The following HEATR6 variants were observed in gnomAD, a reference collection of about 807,000 sequenced individuals.
HEATR6 encodes HEAT repeat containing 6.
In HEATR6, 106 loss-of-function variants were observed where a neutral mutation model predicts 132.8. The ratio of observed to expected loss-of-function variants is 0.80; its 90% CI spans 0.68 to 0.94. HEATR6 has a LOEUF of 0.94. HEATR6 is among the 40% of genes least tolerant of loss of function. The pLI, the probability that HEATR6 is intolerant of heterozygous loss-of-function variation, is 0.00. For synonymous variants in HEATR6, 529 were observed against 537.8 expected (o/e 0.98, Z 0.23); for missense variants, 1,339 against 1,425.1 (o/e 0.94, Z 0.97).
At chr17:60,055,026 TG>T (rs1291146903) in intron 14 of HEATR6, among the ~76,000 whole-genome samples, 6 of 152,166 alleles carry the variant, frequency 3.9e-5, no homozygotes, top group Admixed American at 3.3e-4. Context: ...GCTGTCCTTG[TG>T]GTAATGAGTG....
intron 7 of HEATR6, among the ~76,000 whole-genome samples, chr17:60,068,611 C>T (rs1210574755): frequency 2.0e-5 from 3 of 150,522 alleles, no homozygotes; most frequent in Non-Finnish European, 4.4e-5. Context: ...TGCTACACAA[C>T]GGCTCCACTC....
intron 8 of HEATR6, among the ~76,000 whole-genome samples, chr17:60,066,635 A>G (rs2083242348): frequency 6.6e-6 from 1 of 152,214 alleles, no homozygotes; most frequent in African/African-American, 2.4e-5. Context: ...ACAACTGGAG[A>G]ACAAGAGGGC....
chr17:60,052,020 G>A (rs1432543446), intron 14 of HEATR6, among the ~76,000 whole-genome samples: 5 of 152,208 alleles, frequency 3.3e-5, no homozygotes, highest in Non-Finnish European at 7.3e-5. Context: ...GTCATAAAAA[G>A]CACCACAGCT....
At position 60,059,532 on chromosome 17, in the gene HEATR6, C is replaced by G. The variant is rs1906865145; in HGVS notation, c.1624-11G>C. 1 of 1,562,978 alleles carries G rather than the reference C, an allele frequency of 6.4e-7. No individual in the cohort carries two copies. Among genetic ancestry groups the G allele is most frequent in the African/African-American group, 1.4e-5 (1 of 73,428 alleles). ...TAAATTTGCAAGGCACTGTAAAACA[C>G]AAAAAGTAGCTCATCAAAAGGCTTG... On this transcript the variant is annotated splice_polypyrimidine_tract_variant and intron_variant, in intron 10 of 19. Transcript: ENST00000184956.
chr17:60,052,807 C>T (rs982509921), intron 14 of HEATR6, among the ~76,000 whole-genome samples: 1 of 152,052 alleles, frequency 6.6e-6, no homozygotes, highest in African/African-American at 2.4e-5. Flanking sequence ...GCAGAAACAA[C>T]CTGAAATCAC....
At position 60,060,107 on chromosome 17, in the gene HEATR6, G is replaced by T; in HGVS notation, c.1417-11C>A. 1 of 1,604,976 alleles carries T rather than the reference G, an allele frequency of 6.2e-7. No homozygotes were observed. The highest frequency in any genetic ancestry group is 1.1e-5 in the South Asian group (1 of 90,888). Reference sequence around the variant, plus strand: ...AGCACAGGCACGTGTCTGAAATTTCGGGATGATTCACATTGATTAGTTGAA... The same window carrying T: ...AGCACAGGCACGTGTCTGAAATTTCTGGATGATTCACATTGATTAGTTGAA... On this transcript the variant is annotated splice_polypyrimidine_tract_variant and intron_variant, in intron 9 of 19. Transcript: ENST00000184956.
chr17:60,049,600 G>A lies in HEATR6; in HGVS notation c.2527C>T (p.Leu843Phe), dbSNP rs1413032208. The A allele has an allele frequency of 1.2e-6, 2 of 1,613,854 alleles. No individual in the cohort carries two copies. Among genetic ancestry groups the A allele is most frequent in the South Asian group, 2.2e-5 (2 of 91,080 alleles). Residue 843 changes from leucine to phenylalanine, a missense_variant, in exon 16 of 20, where the codon CTT (leucine) becomes TTT (phenylalanine). By Grantham distance (22) the Leu-to-Phe change is conservative. Coordinates refer to ENST00000184956, the MANE Select transcript of HEATR6 (RefSeq NM_022070.5). ...ATSRALGVYV[L>F]FPCLRQDVIF... The stretch of plus-strand genomic sequence containing the variant: ...CTGACCTGTCTGAGACAGGGAAAAA[G>A]CACATAGACTCCCAGGGCCCGTGAA...
chr17:60,077,155 G>A (rs766590664), intron 1 of HEATR6, among the ~76,000 whole-genome samples: 1 of 152,096 alleles, frequency 6.6e-6, no homozygotes, highest in African/African-American at 2.4e-5. Context: ...AAAATAAGGT[G>A]AATCAAGTGC....
intron 14 of HEATR6, among the ~76,000 whole-genome samples, chr17:60,054,309 A>G (rs1042479722): frequency 1.3e-5 from 2 of 152,252 alleles, no homozygotes; most frequent in Non-Finnish European, 2.9e-5. Flanking sequence ...TAGATTTCAG[A>G]GGATTCCCTA....
At chr17:60,078,402 G>T (rs570086697) in intron 1 of HEATR6, among the ~76,000 whole-genome samples, 35 of 152,340 alleles carry the variant, frequency 2.3e-4, no homozygotes, top group African/African-American at 7.5e-4. Context: ...GGTGCACAGA[G>T]AGGGAGTGAA....
intron 9 of HEATR6, among the ~76,000 whole-genome samples, chr17:60,060,666 T>C (rs1033289561): frequency 2.0e-5 from 3 of 152,178 alleles, no homozygotes; most frequent in Admixed American, 6.5e-5. Context: ...CCTGAGAACA[T>C]TATGCCTCAT....
At chr17:60,047,819 A>G (rs1461579082) in intron 17 of HEATR6, among the ~76,000 whole-genome samples, 1 of 152,206 alleles carries the variant, frequency 6.6e-6, no homozygotes, top group East Asian at 1.9e-4. Context: ...AAAGCAGGAC[A>G]CGTGCACATG....
Position 60,069,889 on chromosome 17 carries a change from CA to C in HEATR6, c.802-42del, listed in dbSNP as rs1490068415. ...AAGGACACACACACACACACGAAAC[CA>C]AAAAAACCATTAATCATAAACCATT... is the stretch of plus-strand genomic sequence containing the variant. On this transcript the variant is annotated intron_variant, in intron 6 of 19. Coordinates refer to ENST00000184956, the MANE Select transcript of HEATR6 (RefSeq NM_022070.5). The C allele has an allele frequency of 5.7e-6, 9 of 1,591,572 alleles. No individual in the cohort carries two copies. In the African/African-American group the frequency reaches 1.1e-4, roughly 19 times the overall value.
Position 60,050,872 on chromosome 17 carries a change from TGG to T in HEATR6, c.2393_2394del (p.Ser798TyrfsTer12). 6.2e-7 allele frequency: 1 copy of T among 1,614,212 alleles called. No homozygotes were observed. The highest frequency in any genetic ancestry group is 8.5e-7 in the Non-Finnish European group (1 of 1,180,044). On this transcript the variant is annotated frameshift_variant, in exon 15 of 20. Transcript: ENST00000184956. LOFTEE classifies it high-confidence loss of function. ...LQASACDALS[S>X]ILPEAFSNLP... ...AGATTGCTGAAGGCCTCTGGCAAGATGGAAGACAGGGCATCACAGGCGCTCGC... is the reference window on the plus strand; with the variant it reads ...AGATTGCTGAAGGCCTCTGGCAAGATAAGACAGGGCATCACAGGCGCTCGC...
rs756821502 is a variant in HEATR6 at position 60,048,279 on chromosome 17, GTGTC to G, written c.2653_2656del (p.Asp885LeufsTer2). On this transcript the variant is annotated frameshift_variant, in exon 17 of 20. Transcript: ENST00000184956. LOFTEE classifies it high-confidence loss of function. ...AGTCACCTACATGTTGACAATCAGA[GTGTC>G]TGTCAGGTTGCCCAGGGACCAGGCT... 17 of 1,613,490 alleles carry G rather than the reference GTGTC, an allele frequency of 1.1e-5. No homozygotes were observed. The highest frequency in any genetic ancestry group is 1.4e-5 in the Non-Finnish European group (17 of 1,179,570).
At chr17:60,049,775 T>C (rs1459555292) in intron 15 of HEATR6, 73 bp from the exon 16 acceptor site, 21 of 1,518,200 alleles carry the variant, frequency 1.4e-5, no homozygotes, top group Non-Finnish European at 1.9e-5. Context: ...ATAAAAGATG[T>C]GAAATATCTG....
intron 8 of HEATR6, 66 bp downstream of exon 8, chr17:60,067,368 G>A: frequency 8.6e-7 from 1 of 1,159,720 alleles, no homozygotes. Context: ...GCAGCATTCA[G>A]GTTAAGTTAT....
intron 7 of HEATR6, 91 bp from the exon 8 acceptor site, chr17:60,067,823 A>G (rs2083250575): frequency 9.9e-7 from 1 of 1,008,122 alleles, no homozygotes; most frequent in Admixed American, 2.6e-5. Flanking sequence ...AAGTGACTAA[A>G]TATGTCCCCA....
chr17:60,051,042 G>C, intron 14 of HEATR6, 65 bp from the exon 15 acceptor site: 2 of 1,568,360 alleles, frequency 1.3e-6, no homozygotes, highest in Non-Finnish European at 1.7e-6. Context: ...TTGGAGCTAA[G>C]CCTACCAGAA....
Sources: gnomAD v4.1 joint callset for allele counts (sites outside exome capture counted in the v4.1 genomes callset) on GRCh38, gnomAD v4.1.1 for gene constraint, MANE v1.5 for transcripts, NCBI Gene and HGNC (gene_info 2026-07-23, HGNC 2026-07-21) for gene names.